The following CCDC90B variants were observed in gnomAD, a reference collection of about 807,000 sequenced individuals.
CCDC90B encodes coiled-coil domain containing 90B, also known as coiled-coil domain-containing protein 90B, mitochondrial.
Under a neutral mutation model 37.0 loss-of-function variants are expected in CCDC90B, and 24 were observed. The observed-to-expected ratio is 0.65, with a 90% CI of 0.47 to 0.91. The LOEUF (loss-of-function observed/expected upper bound fraction) is 0.91. Ranked by LOEUF, CCDC90B falls within the 40% of genes least tolerant of loss-of-function variation. CCDC90B has a pLI of 0.00. For missense variants in CCDC90B, 319 were observed against 299.0 expected (o/e 1.07, Z -0.49); for synonymous variants, 113 against 101.1 (o/e 1.12, Z -0.71).
chr11:83,285,101 T>C, intron 1 of CCDC90B: 1 of 1,203,244 alleles, frequency 8.3e-7, no homozygotes, highest in South Asian at 1.4e-5. Flanking sequence ...CGTAGAAGTG[T>C]TTGGGTACCG....
At chr11:83,281,333 C>A (rs1865369219) in intron 1 of CCDC90B, among the ~76,000 whole-genome samples, 1 of 152,140 alleles carries the variant, frequency 6.6e-6, no homozygotes, top group South Asian at 2.1e-4. Flanking sequence ...GAACTTGTGC[C>A]AGGCATAGGG....
At chr11:83,285,720 G>C (rs1865643031) in intron 1 of CCDC90B, 153 bp downstream of exon 1, 2 of 1,442,718 alleles carry the variant, frequency 1.4e-6, no homozygotes, top group South Asian at 2.9e-5. Flanking sequence ...GGGCAAGTCG[G>C]GGCAGCAGGC....
At position 83,265,845 on chromosome 11, in the gene CCDC90B, T is replaced by C; in HGVS notation, c.709+20A>G. 6.8e-7 allele frequency: 1 copy of C among 1,467,684 alleles called. No individual in the cohort carries two copies. Among genetic ancestry groups the C allele is most frequent in the Non-Finnish European group, 9.5e-7 (1 of 1,052,472 alleles). The allele number at this position is 1,467,684 out of a possible 1,614,324, so 90.9% of individuals were successfully genotyped here. A position where few individuals can be genotyped will look rare whatever the true frequency, so the allele number is the denominator to read the frequency against. ...ACAGGAAAATTAGATGACAGCAATTTCTTTCTCTGACAGTCTTACCTGCAA... is the reference window on the plus strand; with the variant it reads ...ACAGGAAAATTAGATGACAGCAATTCCTTTCTCTGACAGTCTTACCTGCAA... On this transcript the variant is annotated intron_variant, in intron 8 of 8. Transcript: ENST00000529689.
At position 83,260,556 on chromosome 11, in the gene CCDC90B, A is replaced by G. The variant is rs570976775; in HGVS notation, c.*1355T>C. ...TAGTTGGAAAGCCTGACTCTCACTC[A>G]CTGGACCATATGGACCAATCTCTTG... On this transcript the variant is annotated 3_prime_UTR_variant, in exon 9 of 9. Transcript: ENST00000529689. The G allele has an allele frequency of 2.0e-5, 3 of 152,308 alleles. No homozygotes were observed. In the East Asian group the frequency reaches 5.8e-4, roughly 29 times the overall value. The allele number at this position is 152,308 out of a possible 1,614,324, so 9.4% of individuals were successfully genotyped here. A position where few individuals can be genotyped will look rare whatever the true frequency, so the allele number is the denominator to read the frequency against.
rs200604156 is a variant in CCDC90B at position 83,282,456 on chromosome 11, AC to A, written c.101-2197del. 4.7e-3 allele frequency among the ~76,000 whole-genome samples: 713 copies of A among 152,304 alleles called. 10 individuals carry two copies. Among genetic ancestry groups the A allele is most frequent in the African/African-American group, 0.016 (668 of 41,562 alleles). ...TAGTACAGTTCCTCTGACTTAGTCA[AC>A]AAACACTCTGAATACCAGCAGCTTC... On this transcript the variant is annotated intron_variant, in intron 1 of 8. Transcript: ENST00000529689.
At chr11:83,269,300 CACA>C (rs1213551395) in intron 7 of CCDC90B, among the ~76,000 whole-genome samples, 2 of 151,662 alleles carry the variant, frequency 1.3e-5, no homozygotes, top group Admixed American at 6.6e-5. Context: ...AGATAAGAGA[CACA>C]ACAAACCCTT....
At chr11:83,274,857 C>T (rs1045486807) in intron 3 of CCDC90B, 117 bp from the exon 4 acceptor site, 3 of 577,514 alleles carry the variant, frequency 5.2e-6, no homozygotes, top group Non-Finnish European at 9.0e-6. Flanking sequence ...ATAATGTTGA[C>T]TGGTTAAGTA....
chr11:83,285,671 G>A (rs1466758046), intron 1 of CCDC90B: 7 of 1,411,638 alleles, frequency 5.0e-6, no homozygotes, highest in Non-Finnish European at 6.4e-6. Flanking sequence ...AGAACAGAAA[G>A]GCAGTGCTTT....
rs1285544390 is a variant in CCDC90B at position 83,259,449 on chromosome 11, C to A, written c.*2462G>T. On this transcript the variant is annotated 3_prime_UTR_variant, in exon 9 of 9. Coordinates refer to ENST00000529689, the MANE Select transcript of CCDC90B (RefSeq NM_021825.5). Reference sequence around the variant, plus strand: ...TACAAAGCACTTTGTTTGCTAAACCCCTACAATGAGAAAGAACGCAGATCT... The same window carrying A: ...TACAAAGCACTTTGTTTGCTAAACCACTACAATGAGAAAGAACGCAGATCT... The A allele has an allele frequency of 1.3e-5, 2 of 152,092 alleles. No individual in the cohort carries two copies. The highest frequency in any genetic ancestry group is 2.9e-5 in the Non-Finnish European group (2 of 68,022). The allele number at this position is 152,092 out of a possible 1,614,324, so 9.4% of individuals were successfully genotyped here.
chr11:83,266,133 A>G (rs1193207493), intron 7 of CCDC90B, among the ~76,000 whole-genome samples, 154 bp from the exon 8 acceptor site: 1 of 152,186 alleles, frequency 6.6e-6, no homozygotes, highest in African/African-American at 2.4e-5. Flanking sequence ...AAAAATTTGA[A>G]GTGTTCCAAG....
rs990383653 is a variant in CCDC90B at position 83,259,336 on chromosome 11, C to G, written c.*2575G>C. On this transcript the variant is annotated 3_prime_UTR_variant, in exon 9 of 9. Coordinates refer to ENST00000529689, the MANE Select transcript of CCDC90B (RefSeq NM_021825.5). Reference sequence around the variant, plus strand: ...TTTACCTGAACCCCAGAACCACCATCAAAATGAAGTTTCATGGAAAGGATA... The same window carrying G: ...TTTACCTGAACCCCAGAACCACCATGAAAATGAAGTTTCATGGAAAGGATA... 3.3e-5 allele frequency: 5 copies of G among 152,110 alleles called. No homozygotes were observed. The highest frequency in any genetic ancestry group is 4.4e-5 in the Non-Finnish European group (3 of 68,028). 9.4% of individuals were successfully genotyped at this position (152,110 alleles called of 1,614,324 possible).
In CCDC90B at chr11:83,273,689, T is replaced by G; in HGVS notation, c.552A>C (p.Gln184His). Residue 184 changes from glutamine to histidine, a missense_variant, in exon 7 of 9, where the codon CAA becomes CAC. Gln to His is a conservative substitution (Grantham distance 24). Coordinates refer to ENST00000529689, the MANE Select transcript of CCDC90B (RefSeq NM_021825.5). ...TAGTTGTTTCCATAAGTTGCTTTTC[T>G]TGATCTGTAAACTATAGGATATGAA... is the stretch of plus-strand genomic sequence containing the variant. ...RSRVTDMFTD[Q>H]EKQLMETTTE... is the part of the protein sequence containing the mutation. 1 of 1,603,730 alleles carries G rather than the reference T, an allele frequency of 6.2e-7. No homozygotes were observed. The highest frequency in any genetic ancestry group is 8.5e-7 in the Non-Finnish European group (1 of 1,177,162).
At chr11:83,269,188 C>T (rs1864486721) in intron 7 of CCDC90B, among the ~76,000 whole-genome samples, 1 of 152,174 alleles carries the variant, frequency 6.6e-6, no homozygotes, top group Non-Finnish European at 1.5e-5. Context: ...GACACCCTAA[C>T]ATCACAATTA....
chr11:83,286,145 C>A lies in CCDC90B; in HGVS notation c.-173G>T. The A allele has an allele frequency of 1.3e-6, 2 of 1,536,212 alleles. No homozygotes were observed. Among genetic ancestry groups the A allele is most frequent in the Non-Finnish European group, 1.7e-6 (2 of 1,146,906 alleles). Reference sequence around the variant, plus strand: ...GTGGTCCCACGAAACTGGGTCTCTTCACAGACAGACCCACAGTTCGCGAGC... The same window carrying A: ...GTGGTCCCACGAAACTGGGTCTCTTAACAGACAGACCCACAGTTCGCGAGC... On this transcript the variant is annotated 5_prime_UTR_variant, in exon 1 of 9. The change creates a premature stop within an existing upstream ORF in the 5' untranslated region. Coordinates refer to ENST00000529689, the MANE Select transcript of CCDC90B (RefSeq NM_021825.5).
chr11:83,263,668 C>T (rs970636019), intron 8 of CCDC90B, among the ~76,000 whole-genome samples: 1 of 152,124 alleles, frequency 6.6e-6, no homozygotes, highest in Non-Finnish European at 1.5e-5. Context: ...AGACTCCTTT[C>T]TGAGGATTTT....
intron 3 of CCDC90B, among the ~76,000 whole-genome samples, chr11:83,278,111 A>C (rs693868): frequency 6.6e-6 from 1 of 152,346 alleles, no homozygotes; most frequent in East Asian, 1.9e-4. Flanking sequence ...AAACTCTTGC[A>C]AACTACTCAA....
rs181282532 is a variant in CCDC90B, at chr11:83,279,859, G to A, written c.220+282C>T. Among the ~76,000 whole-genome samples the A allele has an allele frequency of 4.9e-3, 733 of 150,990 alleles. 7 individuals are homozygous for A. The highest frequency in any genetic ancestry group is 6.7e-3 in the Non-Finnish European group (454 of 67,738). On this transcript the variant is annotated intron_variant, in intron 2 of 8. Transcript: ENST00000529689. The stretch of plus-strand genomic sequence containing the variant: ...ATCTCAAACATTTGTACTTCCACAC[G>A]GACTTTAGTTTAACCTAGAAACTCT...
chr11:83,265,653 T>C (rs1308412845), intron 8 of CCDC90B, among the ~76,000 whole-genome samples: 1 of 152,140 alleles, frequency 6.6e-6, no homozygotes, highest in East Asian at 1.9e-4. Context: ...TAATCTGCTA[T>C]AATAAAAATT....
intron 8 of CCDC90B, among the ~76,000 whole-genome samples, chr11:83,262,914 T>C (rs1373635614): frequency 6.6e-6 from 1 of 152,216 alleles, no homozygotes; most frequent in Admixed American, 6.5e-5. Flanking sequence ...TGCTACTATT[T>C]GCTGTGTGTC....
Sources: gnomAD v4.1 joint callset for allele counts (sites outside exome capture counted in the v4.1 genomes callset) on GRCh38, gnomAD v4.1.1 for gene constraint, MANE v1.5 for transcripts, NCBI Gene and HGNC (gene_info 2026-07-23, HGNC 2026-07-21) for gene names.